BLTP2: variants seen among roughly 807,000 people sequenced by gnomAD.
BLTP2 encodes the protein bridge-like lipid transfer protein family member 2.
At chr17:28,631,754 G>C in the BLTP2 span, 1 of 1,598,214 alleles carries the variant, frequency 6.3e-7, no homozygotes, top group East Asian at 2.2e-5. Context: ...TGGAGGAGGG[G>C]AATGGAACTG....
the BLTP2 span, chr17:28,620,101 G>A: frequency 4.0e-6 from 5 of 1,252,044 alleles, no homozygotes; most frequent in Non-Finnish European, 5.5e-6. Context: ...GAAAGAAATG[G>A]GGGGGGTCTC....
the BLTP2 span, chr17:28,638,389 T>C: frequency 6.2e-7 from 1 of 1,614,166 alleles, no homozygotes; most frequent in Non-Finnish European, 8.5e-7. Context: ...CGCTGATGGA[T>C]GCTTTGTGGC....
At chr17:28,620,383 G>T in the BLTP2 span, 1 of 1,106,078 alleles carries the variant, frequency 9.0e-7, no homozygotes, top group Non-Finnish European at 1.3e-6. Flanking sequence ...CCGACTAAGA[G>T]AATCTACCAA....
At chr17:28,640,705 G>GTT in the BLTP2 span, 16 of 1,612,146 alleles carry the variant, frequency 9.9e-6, no homozygotes. Flanking sequence ...AATGAATAAC[G>GTT]TAAGAACCAT....
At chr17:28,633,069 A>G in the BLTP2 span, 1 of 1,593,996 alleles carries the variant, frequency 6.3e-7, no homozygotes, top group East Asian at 2.2e-5. Context: ...GCAGAGTGAC[A>G]CTATGGTGAT....
the BLTP2 span, chr17:28,636,878 AG>A: frequency 8.9e-7 from 1 of 1,128,474 alleles, no homozygotes; most frequent in African/African-American, 1.6e-5. Flanking sequence ...TTTTGGGAAA[AG>A]ACAAGAAAAA....
chr17:28,643,386 C>T, the BLTP2 span: 5 of 1,563,038 alleles, frequency 3.2e-6, 1 homozygote, highest in Non-Finnish European at 4.4e-6. Context: ...CTCACATTCA[C>T]TTTCTCATCC....
At chr17:28,625,274 T>G in the BLTP2 span, among the ~76,000 whole-genome samples, 1 of 128,322 alleles carries the variant, frequency 7.8e-6, no homozygotes, top group African/African-American at 3.1e-5. Context: ...AGGCAGAGGT[T>G]GCAGTGAGCC....
chr17:28,625,975 G>C, the BLTP2 span, among the ~76,000 whole-genome samples: 1 of 152,166 alleles, frequency 6.6e-6, no homozygotes, highest in Admixed American at 6.5e-5. Flanking sequence ...ATGGTGGCCA[G>C]GCTGGTCTCA....
the BLTP2 span, among the ~76,000 whole-genome samples, chr17:28,636,522 T>C: frequency 2.0e-5 from 3 of 152,328 alleles, no homozygotes; most frequent in African/African-American, 7.2e-5. Context: ...CTTACCTACT[T>C]CAAAATAATC....
chr17:28,634,802 G>A, the BLTP2 span: 8 of 1,613,820 alleles, frequency 5.0e-6, no homozygotes, highest in African/African-American at 1.3e-5. Flanking sequence ...TCAATTTTGC[G>A]GGCAGGCAAC....
At chr17:28,633,981 C>T in the BLTP2 span, 9 of 1,614,032 alleles carry the variant, frequency 5.6e-6, no homozygotes, top group Non-Finnish European at 5.9e-6. Context: ...CAAGATCTGA[C>T]GCCGACGGGA....
the BLTP2 span, chr17:28,624,194 T>C: frequency 6.9e-6 from 11 of 1,598,812 alleles, no homozygotes; most frequent in African/African-American, 1.3e-5. Flanking sequence ...ATGATCATGA[T>C]CTAGCCTGAT....
At chr17:28,617,079 A>G in the BLTP2 span, 3 of 1,223,022 alleles carry the variant, frequency 2.5e-6, no homozygotes, top group Non-Finnish European at 3.5e-6. Context: ...CTGCAGAATG[A>G]GAGGAGAAGC....
chr17:28,615,752 G>A, the BLTP2 span: 1 of 1,614,102 alleles, frequency 6.2e-7, no homozygotes, highest in Non-Finnish European at 8.5e-7. Context: ...CTCCAGACAG[G>A]GCAGCACCAG....
chr17:28,640,811 G>A, the BLTP2 span: 199 of 819,962 alleles, frequency 2.4e-4, no homozygotes, highest in African/African-American at 3.1e-3. Context: ...AAGCTGGATG[G>A]ACCATAAGGC....
chr17:28,633,647 T>G, the BLTP2 span: 1 of 1,614,102 alleles, frequency 6.2e-7, no homozygotes, highest in Admixed American at 1.7e-5. Context: ...AAAGGTGGGC[T>G]GGGGTCAGCT....
the BLTP2 span, chr17:28,615,276 T>C: frequency 6.4e-6 from 10 of 1,554,706 alleles, no homozygotes; most frequent in Non-Finnish European, 8.7e-6. Flanking sequence ...TAAAAGAAAA[T>C]GTAAATATTA....
At chr17:28,620,287 T>C in the BLTP2 span, among the ~76,000 whole-genome samples, 1 of 152,170 alleles carries the variant, frequency 6.6e-6, no homozygotes. Context: ...GAGAAATGAC[T>C]AGGAGAAAAC....
Sources: gnomAD v4.1 joint callset for allele counts (sites outside exome capture counted in the v4.1 genomes callset) on GRCh38, gnomAD v4.1.1 for gene constraint, MANE v1.5 for transcripts, NCBI Gene and HGNC (gene_info 2026-07-23, HGNC 2026-07-21) for gene names.